JPH2: variants seen among roughly 807,000 people sequenced by gnomAD.
JPH2 encodes junctophilin-2.
Under a neutral mutation model 55.9 loss-of-function variants are expected in JPH2, and 38 were observed. The ratio of observed to expected loss-of-function variants is 0.68; its 90% confidence interval spans 0.52 to 0.89. JPH2 has a LOEUF of 0.89. Among genes scored for constraint, JPH2 ranks in the 40% least tolerant of loss-of-function variants. The pLI, the probability that JPH2 is intolerant of heterozygous loss-of-function variation, is 0.00. For synonymous variants in JPH2, 480 were observed against 472.4 expected (o/e 1.02, Z -0.21); for missense variants, 964 against 1,037.6 (o/e 0.93, Z 0.97).
At chr20:44,174,825 C>G (rs1187851907) in intron 1 of JPH2, among the ~76,000 whole-genome samples, 1 of 151,964 alleles carries the variant, frequency 6.6e-6, no homozygotes, top group Non-Finnish European at 1.5e-5. Flanking sequence ...ACCCCTGTCT[C>G]TACTGAAACT....
intron 1 of JPH2, among the ~76,000 whole-genome samples, chr20:44,174,680 A>G (rs1187137516): frequency 6.6e-6 from 1 of 152,098 alleles, no homozygotes; most frequent in Non-Finnish European, 1.5e-5. Flanking sequence ...AGGCTGAGGC[A>G]GGAGAATCGC....
In JPH2 at chr20:44,178,941, G is replaced by C. The variant is rs191822439; in HGVS notation, c.379+7386C>G. Among the ~76,000 whole-genome samples the C allele has an allele frequency of 5.1e-4, 78 of 152,308 alleles. 2 individuals carry two copies. The highest frequency in any genetic ancestry group is 4.8e-3 in the Admixed American group (73 of 15,300). ...CAGGTACTTACTGCTCAGTCCTCCA[G>C]CCTGGCAAAATCACGTAACTCCCGT... On this transcript the variant is annotated intron_variant, in intron 1 of 5. Transcript: ENST00000372980.
rs559412942 is a variant in JPH2, at chr20:44,143,629, G to A, written c.1169+15989C>T. ...GTCCTTCTTCCTTCTCGTGCTCCCC[G>A]CTCACGCCCTCTCAGCTCCTCCCTC... On this transcript the variant is annotated intron_variant, in intron 2 of 5. Coordinates refer to ENST00000372980, the MANE Select transcript of JPH2 (RefSeq NM_020433.5). Among the ~76,000 whole-genome samples, 6 of 152,254 alleles carry A rather than the reference G, an allele frequency of 3.9e-5. No homozygotes were observed. In the East Asian group the frequency reaches 7.7e-4, roughly 20 times the overall value.
At position 44,159,635 on chromosome 20, in the gene JPH2, G is replaced by A. The variant is rs1487904026; in HGVS notation, c.1152C>T (p.Ala384=). The A allele has an allele frequency of 5.6e-6, 9 of 1,604,476 alleles. No homozygotes were observed. Among genetic ancestry groups the A allele is most frequent in the East Asian group, 2.2e-5 (1 of 44,858 alleles). ...QRAAAIARQK[A]EIAASRTSHA... is the part of the protein sequence containing the mutation. The stretch of plus-strand genomic sequence containing the variant: ...TGTCCTACCTGGAGGCGGCAATCTC[G>A]GCCTTCTGGCGCGCGATAGCAGCGG... The change falls in exon 2 of 6, where the codon GCC becomes GCT. Residue 384 remains alanine (A), a synonymous_variant. Coordinates refer to ENST00000372980, the MANE Select transcript of JPH2 (RefSeq NM_020433.5). This position sits in a 1 kb window ranked among gnomAD's most constrained non-coding sequence, Gnocchi z 5.7.
At position 44,110,470 on chromosome 20, in the gene JPH2, G is replaced by A. The variant is rs1186407841; in HGVS notation, c.*3048C>T. ...GATGGAGTCTTGCTCTGTCACCCAGGCTGGAGTGCAGTGGCTTGATCTTGG... is the reference window on the plus strand; with the variant it reads ...GATGGAGTCTTGCTCTGTCACCCAGACTGGAGTGCAGTGGCTTGATCTTGG... On this transcript the variant is annotated 3_prime_UTR_variant, in exon 6 of 6. Coordinates refer to ENST00000372980, the MANE Select transcript of JPH2 (RefSeq NM_020433.5). Among the ~76,000 whole-genome samples the A allele has an allele frequency of 6.6e-6, 1 of 151,584 alleles. No individual in the cohort carries two copies. Among genetic ancestry groups the A allele is most frequent in the Admixed American group, 6.6e-5 (1 of 15,238 alleles).
Position 44,160,730 on chromosome 20 carries a change from T to C in JPH2, c.380-323A>G, listed in dbSNP as rs2072604684. ...GGAGAGCATGGGCTTGTGTGTGTAT[T>C]TGTGCAAGATCGTGCGTACAAGACA... On this transcript the variant is annotated intron_variant, in intron 1 of 5. Coordinates refer to ENST00000372980, the MANE Select transcript of JPH2 (RefSeq NM_020433.5). This position sits in a 1 kb window ranked among gnomAD's most constrained non-coding sequence, Gnocchi z 4.9. 6.6e-6 allele frequency among the ~76,000 whole-genome samples: 1 copy of C among 152,204 alleles called. No homozygotes were observed. The highest frequency in any genetic ancestry group is 1.5e-5 in the Non-Finnish European group (1 of 68,036).
At chr20:44,133,109 C>G (rs1392529779) in intron 2 of JPH2, among the ~76,000 whole-genome samples, 2 of 95,172 alleles carry the variant, frequency 2.1e-5, no homozygotes, top group Non-Finnish European at 4.1e-5. Context: ...CCCTGTCCCC[C>G]ACCTCTTGCC....
chr20:44,149,123 C>T (rs939068803), intron 2 of JPH2, among the ~76,000 whole-genome samples: 1 of 151,486 alleles, frequency 6.6e-6, no homozygotes, highest in African/African-American at 2.4e-5. Flanking sequence ...ACAAGAAGGA[C>T]AATTTGACTA....
intron 2 of JPH2, among the ~76,000 whole-genome samples, chr20:44,125,281 C>T (rs560471976): frequency 6.6e-6 from 1 of 152,232 alleles, no homozygotes; most frequent in Non-Finnish European, 1.5e-5. Context: ...ACAATATTTA[C>T]CATCTAGTCC....
At chr20:44,182,811 T>C (rs2072796736) in intron 1 of JPH2, among the ~76,000 whole-genome samples, 1 of 152,242 alleles carries the variant, frequency 6.6e-6, no homozygotes, top group African/African-American at 2.4e-5. Flanking sequence ...CTTGAGGACC[T>C]TGTCTTGCTC....
At position 44,172,401 on chromosome 20, in the gene JPH2, C is replaced by A. The variant is rs115966687; in HGVS notation, c.380-11994G>T. Among the ~76,000 whole-genome samples the A allele has an allele frequency of 5.5e-3, 836 of 152,354 alleles. 8 individuals carry two copies. The highest frequency in any genetic ancestry group is 0.019 in the African/African-American group (778 of 41,570). ...AGTTTCCACTGTGTAAATACCCCCA[C>A]CATGACTGCAAAGTTCCTGAGCTCT... On this transcript the variant is annotated intron_variant, in intron 1 of 5. Coordinates refer to ENST00000372980, the MANE Select transcript of JPH2 (RefSeq NM_020433.5).
chr20:44,146,087 G>A (rs2072492445), intron 2 of JPH2, among the ~76,000 whole-genome samples: 2 of 148,624 alleles, frequency 1.3e-5, no homozygotes, highest in South Asian at 4.2e-4. Context: ...AGGCTACAGT[G>A]CAGTGGTGCC....
rs537128956 is a variant in JPH2, at chr20:44,110,985, G to C, written c.*2533C>G. Among the ~76,000 whole-genome samples, 1 of 152,258 alleles carries C rather than the reference G, an allele frequency of 6.6e-6. No homozygotes were observed. The highest frequency in any genetic ancestry group is 2.1e-4 in the South Asian group (1 of 4,826). On this transcript the variant is annotated 3_prime_UTR_variant, in exon 6 of 6. Transcript: ENST00000372980. Reference sequence around the variant, plus strand: ...AGGGACCTTCTTCTCCAACCCCCTCGCTGGGAACCACCGGCTGTGAGAGTA... The same window carrying C: ...AGGGACCTTCTTCTCCAACCCCCTCCCTGGGAACCACCGGCTGTGAGAGTA...
In JPH2 at chr20:44,110,854, G is replaced by A. The variant is rs1009605648; in HGVS notation, c.*2664C>T. The stretch of plus-strand genomic sequence containing the variant: ...AGAAGAGGAAACTGAGGCACAGAAA[G>A]AGGGAGTGAGGGAGCACATGGCCCA... On this transcript the variant is annotated 3_prime_UTR_variant, in exon 6 of 6. Transcript: ENST00000372980. Among the ~76,000 whole-genome samples, 18 of 152,204 alleles carry A rather than the reference G, an allele frequency of 1.2e-4. No individual in the cohort carries two copies. Among genetic ancestry groups the A allele is most frequent in the Admixed American group, 7.9e-4 (12 of 15,282 alleles).
chr20:44,178,404 T>C (rs1175409786), intron 1 of JPH2, among the ~76,000 whole-genome samples: 1 of 152,196 alleles, frequency 6.6e-6, no homozygotes, highest in African/African-American at 2.4e-5. Context: ...TGTAAGACAT[T>C]GAATTCTCTA....
chr20:44,144,449 T>C (rs1040602269), intron 2 of JPH2, among the ~76,000 whole-genome samples: 1 of 152,156 alleles, frequency 6.6e-6, no homozygotes, highest in Non-Finnish European at 1.5e-5. Flanking sequence ...GGGCTGTTAC[T>C]GTCCCCATTC....
chr20:44,176,101 C>A (rs1190358762), intron 1 of JPH2, among the ~76,000 whole-genome samples: 1 of 152,168 alleles, frequency 6.6e-6, no homozygotes, highest in East Asian at 1.9e-4. Flanking sequence ...TCAATCCTAT[C>A]CAGTCTATAA....
At position 44,107,165 on chromosome 20, in the gene JPH2, G is replaced by T. The variant is rs765029052; in HGVS notation, c.*6353C>A. The stretch of plus-strand genomic sequence containing the variant: ...TACAGCAAAGAAGTGATATAGCCAG[G>T]ATTAGAAACTAGGTCTGTCCAATTC... On this transcript the variant is annotated 3_prime_UTR_variant, in exon 6 of 6. Coordinates refer to ENST00000372980, the MANE Select transcript of JPH2 (RefSeq NM_020433.5). Among the ~76,000 whole-genome samples the T allele has an allele frequency of 6.6e-6, 1 of 152,110 alleles. No individual in the cohort carries two copies. Among genetic ancestry groups the T allele is most frequent in the Non-Finnish European group, 1.5e-5 (1 of 68,028 alleles).
Position 44,160,203 on chromosome 20 carries a change from A to G in JPH2, c.584T>C (p.Ile195Thr), listed in dbSNP as rs1555858785. 4.3e-6 allele frequency: 6 copies of G among 1,407,146 alleles called. No homozygotes were observed. The highest frequency in any genetic ancestry group is 5.5e-6 in the Non-Finnish European group (6 of 1,090,630). 87.2% of individuals were successfully genotyped at this position (1,407,146 alleles called of 1,614,324 possible). A position where few individuals can be genotyped will look rare whatever the true frequency, so the allele number is the denominator to read the frequency against. The change falls in exon 2 of 6, where the codon ATC (isoleucine) becomes ACC (threonine). Residue 195 changes from isoleucine to threonine, a missense_variant. Coordinates refer to ENST00000372980, the MANE Select transcript of JPH2 (RefSeq NM_020433.5). The surrounding 1 kb of genome is among the most constrained non-coding windows in gnomAD (Gnocchi z 4.9). ...SDGPALPSPAIPRGGFALSLL... is the reference protein window; with the variant it reads ...SDGPALPSPATPRGGFALSLL... ...GCTGAGCGCGAAGCCGCCACGCGGG[A>G]TGGCGGGCGAGGGCAGCGCGGGGCC...
Sources: allele counts gnomAD v4.1 joint callset (sites outside exome capture counted in the v4.1 genomes callset), GRCh38; gene constraint gnomAD v4.1.1; non-coding constraint Gnocchi (gnomAD v3.1); transcripts MANE v1.5; gene names NCBI Gene and HGNC (gene_info 2026-07-23, HGNC 2026-07-21).